Variants in COG7 observed in about 807,000 individuals in gnomAD.
COG7 encodes the protein component of oligomeric golgi complex 7, also known as conserved oligomeric Golgi complex subunit 7.
A neutral mutation model predicts 91.5 loss-of-function variants in COG7; 49 were observed. The ratio of observed to expected loss-of-function variants is 0.54; its 90% CI spans 0.43 to 0.68. The LOEUF (loss-of-function observed/expected upper bound fraction) is 0.68. Among genes scored for constraint, COG7 ranks in the 30% least tolerant of loss-of-function variants. The probability of loss-of-function intolerance (pLI) is 0.00; values close to 1 mark genes in which losing one functional copy is unlikely to be tolerated. For synonymous variants in COG7, 365 were observed against 388.7 expected, an observed-to-expected ratio of 0.94 and a Z score of 0.72; for missense variants, 895 against 961.3, an observed-to-expected ratio of 0.93 and a Z score of 0.91.
intron 4 of COG7, among the ~76,000 whole-genome samples, chr16:23,441,664 A>T (rs1292493053): frequency 6.6e-6 from 1 of 152,188 alleles, no homozygotes; most frequent in Non-Finnish European, 1.5e-5. Flanking sequence ...TATCTGTGAG[A>T]GAGACCACAA....
At chr16:23,389,574 T>C (rs765517407) in intron 16 of COG7, among the ~76,000 whole-genome samples, 28 of 152,064 alleles carry the variant, frequency 1.8e-4, no homozygotes, top group Non-Finnish European at 3.4e-4. Context: ...GCCCCCAGGG[T>C]ATCCACTGAC....
intron 3 of COG7, among the ~76,000 whole-genome samples, chr16:23,444,407 C>T (rs1185797055): frequency 6.6e-6 from 1 of 151,978 alleles, no homozygotes; most frequent in Admixed American, 6.6e-5. Flanking sequence ...GTCAATAACC[C>T]ACCAAGTCCC....
At chr16:23,405,195 A>G (rs1963439509) in intron 12 of COG7, among the ~76,000 whole-genome samples, 1 of 152,190 alleles carries the variant, frequency 6.6e-6, no homozygotes. Context: ...AAAAACCAGG[A>G]GGGAACACCA....
Position 23,413,500 on chromosome 16 carries a change from G to C in COG7, c.1357C>G (p.Pro453Ala). The C allele has an allele frequency of 6.2e-7, 1 of 1,612,884 alleles. No individual in the cohort carries two copies. The part of the protein sequence containing the change: ...IRKKCKLDHI[P>A]PNSLFQEDWT... Reference sequence around the variant, plus strand: ...TCTTCCTGGAAGAGGGAGTTGGGAGGAATGTGGTCCAGTTTGCACTTCTTT... The same window carrying C: ...TCTTCCTGGAAGAGGGAGTTGGGAGCAATGTGGTCCAGTTTGCACTTCTTT... The change falls in exon 10 of 17, where the codon CCT (proline) becomes GCT (alanine). Residue 453 changes from proline (P) to alanine (A), a missense_variant. Coordinates refer to ENST00000307149, the MANE Select transcript of COG7 (RefSeq NM_153603.4).
chr16:23,408,634 G>A (rs1384671415), intron 11 of COG7, among the ~76,000 whole-genome samples: 1 of 152,018 alleles, frequency 6.6e-6, no homozygotes. Flanking sequence ...TAGAGTGGGA[G>A]CAGCTGCTGC....
intron 4 of COG7, among the ~76,000 whole-genome samples, chr16:23,440,585 G>A (rs1348668661): frequency 6.6e-6 from 1 of 151,394 alleles, no homozygotes; most frequent in Non-Finnish European, 1.5e-5. Flanking sequence ...AACCTCCTGA[G>A]CAGCTGAGAC....
chr16:23,413,299 T>TTA (rs1400645795), intron 10 of COG7, 149 bp downstream of exon 10: 1 of 692,982 alleles, frequency 1.4e-6, no homozygotes, highest in Non-Finnish European at 2.7e-6. Context: ...TGGTTTGTGT[T>TTA]TAGAGTCTGG....
chr16:23,447,213 C>CTATT (rs1964195944), intron 1 of COG7: 1 of 151,542 alleles, frequency 6.6e-6, no homozygotes, highest in Admixed American at 6.6e-5. Context: ...AATTCACACT[C>CTATT]TATTTATTTA....
intron 14 of COG7, 28 bp from the exon 15 acceptor site, chr16:23,393,375 T>C: frequency 1.3e-6 from 2 of 1,520,658 alleles, no homozygotes; most frequent in African/African-American, 1.4e-5. Context: ...GCTGTTAGCC[T>C]GACATTGACA....
At chr16:23,443,043 A>C (rs924761359) in intron 3 of COG7, among the ~76,000 whole-genome samples, 4 of 151,936 alleles carry the variant, frequency 2.6e-5, no homozygotes, top group East Asian at 1.9e-4. Flanking sequence ...CAAAAAAAAA[A>C]CAAAAAACCT....
chr16:23,409,095 A>ATGTGTG (rs111405261), intron 11 of COG7, among the ~76,000 whole-genome samples: 10 of 132,722 alleles, frequency 7.5e-5, no homozygotes, highest in African/African-American at 3.2e-4. Flanking sequence ...GTGTGCGTGC[A>ATGTGTG]TGTGTGTGTG....
rs117467600 is a variant in COG7, at chr16:23,403,986, C to T, written c.1663-152G>A. 13,383 of 840,900 alleles carry T rather than the reference C, an allele frequency of 0.016. 152 individuals are homozygous for T. Among genetic ancestry groups the T allele is most frequent in the Non-Finnish European group, 0.019 (9,930 of 524,582 alleles). 52.1% of individuals were successfully genotyped at this position (840,900 alleles called of 1,614,324 possible). ...CTGTGCCCCAGGCCCCTCTGGAGAA[C>T]ATGCTGAATTACAGATTCCCAAGCT... On this transcript the variant is annotated intron_variant, in intron 12 of 16. Coordinates refer to ENST00000307149, the MANE Select transcript of COG7 (RefSeq NM_153603.4).
chr16:23,396,112 C>T (rs1298523122), intron 14 of COG7, among the ~76,000 whole-genome samples: 1 of 152,222 alleles, frequency 6.6e-6, no homozygotes, highest in African/African-American at 2.4e-5. Context: ...TGATCTGGCC[C>T]AGCCACTAAA....
At chr16:23,391,813 G>A in intron 16 of COG7, 1 of 214,380 alleles carries the variant, frequency 4.7e-6, no homozygotes, top group South Asian at 9.3e-5. Flanking sequence ...GAAGAGGGCA[G>A]GCAGGAGCAA....
chr16:23,398,759 C>T (rs898346693), intron 13 of COG7, among the ~76,000 whole-genome samples: 1 of 152,172 alleles, frequency 6.6e-6, no homozygotes, highest in Non-Finnish European at 1.5e-5. Flanking sequence ...GGGGATGGGA[C>T]GGCACTTCCA....
chr16:23,409,171 C>T (rs1189855469), intron 11 of COG7, among the ~76,000 whole-genome samples: 3 of 151,928 alleles, frequency 2.0e-5, no homozygotes. Context: ...TCACCAGCAG[C>T]ACCTAGACTC....
At chr16:23,416,784 C>G in intron 9 of COG7, 183 bp downstream of exon 9, 2 of 691,600 alleles carry the variant, frequency 2.9e-6, no homozygotes, top group South Asian at 1.8e-5. Flanking sequence ...TAGACATTTA[C>G]GTTGTTTCAA....
intron 1 of COG7, among the ~76,000 whole-genome samples, chr16:23,451,154 C>T (rs747866548): frequency 6.6e-6 from 1 of 152,170 alleles, no homozygotes; most frequent in East Asian, 1.9e-4. Flanking sequence ...GATGGCGCCA[C>T]TGCACTCCAG....
chr16:23,419,380 C>T (rs1316481175), intron 7 of COG7, among the ~76,000 whole-genome samples: 1 of 146,436 alleles, frequency 6.8e-6, no homozygotes, highest in African/African-American at 2.6e-5. Flanking sequence ...CATTGCATTC[C>T]AGCCTGGGCA....
Sources: gnomAD v4.1 joint callset for allele counts (sites outside exome capture counted in the v4.1 genomes callset) on GRCh38, gnomAD v4.1.1 for gene constraint, MANE v1.5 for transcripts, NCBI Gene and HGNC (gene_info 2026-07-23, HGNC 2026-07-21) for gene names.